ELP4: variants seen among roughly 807,000 people sequenced by gnomAD.
ELP4 encodes the protein elongator complex protein 4.
A neutral mutation model predicts 48.9 loss-of-function variants in ELP4; 51 were observed. The observed-to-expected ratio is 1.04, with a 90% CI of 0.83 to 1.32. The LOEUF (loss-of-function observed/expected upper bound fraction) is 1.32. Ranked by LOEUF, ELP4 falls within the 40% of genes most tolerant of loss-of-function variation. The pLI, the probability that ELP4 is intolerant of heterozygous loss-of-function variation, is 0.00. For synonymous variants in ELP4, 210 were observed against 189.2 expected, an observed-to-expected ratio of 1.11 and a Z score of -0.90; for missense variants, 519 against 514.6, an observed-to-expected ratio of 1.01 and a Z score of -0.08.
chr11:31,646,004 C>G (rs1395548777), intron 7 of ELP4: 1 of 151,144 alleles, frequency 6.6e-6, no homozygotes, highest in Non-Finnish European at 1.5e-5. Flanking sequence ...GAATAACTGG[C>G]TGAAACCCAA....
chr11:31,705,596 T>C (rs1473011826), intron 9 of ELP4, among the ~76,000 whole-genome samples: 3 of 152,212 alleles, frequency 2.0e-5, no homozygotes, highest in African/African-American at 7.2e-5. Flanking sequence ...CAAAAAATAT[T>C]GCAGATTAAA....
intron 5 of ELP4, among the ~76,000 whole-genome samples, chr11:31,618,988 G>A (rs865820445): frequency 6.6e-6 from 1 of 152,026 alleles, no homozygotes; most frequent in Non-Finnish European, 1.5e-5. Flanking sequence ...TGGGATGGGG[G>A]TGGTCACATA....
At chr11:31,549,066 A>G (rs1172600173) in intron 3 of ELP4, among the ~76,000 whole-genome samples, 2 of 152,216 alleles carry the variant, frequency 1.3e-5, no homozygotes, top group Non-Finnish European at 2.9e-5. Flanking sequence ...CATTCAGGAC[A>G]TAGGCATGGG....
chr11:31,668,488 CTTTT>C (rs754925129), intron 9 of ELP4, among the ~76,000 whole-genome samples: 1 of 141,082 alleles, frequency 7.1e-6, no homozygotes. Flanking sequence ...TGTTGTAATT[CTTTT>C]TTTTTTTTTT....
intron 7 of ELP4, among the ~76,000 whole-genome samples, chr11:31,638,059 A>G (rs1196323893): frequency 6.6e-6 from 1 of 151,928 alleles, no homozygotes; most frequent in African/African-American, 2.4e-5. Flanking sequence ...TAATAAAATT[A>G]GAAATGGAGA....
At chr11:31,702,327 CAATAAT>C (rs36220373) in intron 9 of ELP4, among the ~76,000 whole-genome samples, 149,410 of 151,362 alleles carry the variant, frequency 0.99, 73,759 homozygotes, top group East Asian at 1. Flanking sequence ...ATAACAATAA[CAATAAT>C]AATAATAATA....
At chr11:31,608,021 T>G (rs1478766828) in intron 5 of ELP4, among the ~76,000 whole-genome samples, 1 of 144,268 alleles carries the variant, frequency 6.9e-6, no homozygotes, top group African/African-American at 2.5e-5. Flanking sequence ...GTTTTGGAGG[T>G]GGGTAATAGA....
At chr11:31,746,336 C>G (rs1947589872) in intron 9 of ELP4, among the ~76,000 whole-genome samples, 1 of 152,180 alleles carries the variant, frequency 6.6e-6, no homozygotes, top group Admixed American at 6.5e-5. Context: ...GTGGTGATTC[C>G]TCACGGATCT....
intron 9 of ELP4, among the ~76,000 whole-genome samples, chr11:31,692,259 G>T (rs1209430345): frequency 1.3e-5 from 2 of 152,104 alleles, no homozygotes; most frequent in African/African-American, 4.8e-5. Context: ...TTAGAGTTGG[G>T]GAGGAAAGTA....
chr11:31,584,619 C>T (rs1247368860), intron 3 of ELP4, among the ~76,000 whole-genome samples: 1 of 152,046 alleles, frequency 6.6e-6, no homozygotes, highest in African/African-American at 2.4e-5. Context: ...ACCTCCACCC[C>T]CGGGTTCAAG....
chr11:31,537,656 G>A (rs1287015248), intron 2 of ELP4, among the ~76,000 whole-genome samples: 1 of 152,126 alleles, frequency 6.6e-6, no homozygotes, highest in Admixed American at 6.5e-5. Flanking sequence ...AGGAGCAGGA[G>A]GAAGAGAAAG....
intron 3 of ELP4, among the ~76,000 whole-genome samples, chr11:31,565,516 T>G (rs1424020145): frequency 6.1e-5 from 9 of 148,156 alleles, no homozygotes; most frequent in African/African-American, 2.1e-4. Flanking sequence ...GGTCTAACAT[T>G]TAAGTCTTTA....
chr11:31,759,499 A>G (rs550104589), intron 9 of ELP4, among the ~76,000 whole-genome samples: 105 of 152,172 alleles, frequency 6.9e-4, no homozygotes, highest in Non-Finnish European at 1.3e-3. Context: ...AGGTGTCTGA[A>G]GTAAGAATTC....
chr11:31,741,216 A>C (rs1259305419), intron 9 of ELP4, among the ~76,000 whole-genome samples: 1 of 151,560 alleles, frequency 6.6e-6, no homozygotes, highest in Non-Finnish European at 1.5e-5. Flanking sequence ...TAGCCGAGTT[A>C]GTTGTTTGAT....
At chr11:31,677,240 C>T (rs1945944503) in intron 9 of ELP4, among the ~76,000 whole-genome samples, 1 of 152,184 alleles carries the variant, frequency 6.6e-6, no homozygotes. Flanking sequence ...ATGCAATCCC[C>T]TTTAGTTTGT....
intron 9 of ELP4, among the ~76,000 whole-genome samples, chr11:31,715,931 TAGG>T (rs925199945): frequency 6.6e-6 from 1 of 152,168 alleles, no homozygotes; most frequent in Admixed American, 6.5e-5. Flanking sequence ...TTAAGGGATA[TAGG>T]AGTTTAGCAG....
At chr11:31,706,105 T>G (rs965353432) in intron 9 of ELP4, among the ~76,000 whole-genome samples, 1 of 152,148 alleles carries the variant, frequency 6.6e-6, no homozygotes, top group Non-Finnish European at 1.5e-5. Flanking sequence ...TTTTGTATGT[T>G]GTATTTTTTT....
chr11:31,575,739 CT>C (rs1262015182), intron 3 of ELP4, among the ~76,000 whole-genome samples: 7 of 152,148 alleles, frequency 4.6e-5, no homozygotes, highest in Admixed American at 4.6e-4. Flanking sequence ...CAAACAAATG[CT>C]GAGAGATTTC....
At chr11:31,630,245 T>A (rs1011791549) in intron 6 of ELP4, among the ~76,000 whole-genome samples, 9 of 147,732 alleles carry the variant, frequency 6.1e-5, no homozygotes, top group Non-Finnish European at 1.1e-4. Context: ...TTTTTTTTTT[T>A]ATAATTTCAT....
Sources: gnomAD v4.1 joint callset for allele counts (sites outside exome capture counted in the v4.1 genomes callset) on GRCh38, gnomAD v4.1.1 for gene constraint, MANE v1.5 for transcripts, NCBI Gene and HGNC (gene_info 2026-07-23, HGNC 2026-07-21) for gene names.